The following CEPT1 variants were observed in gnomAD, a reference collection of about 807,000 sequenced individuals.
CEPT1 encodes choline/ethanolaminephosphotransferase 1.
CEPT1 carries 7 observed loss-of-function variants against 42.6 expected under a neutral mutation model. The observed-to-expected ratio is 0.16, with a 90% CI of 0.09 to 0.31. The LOEUF (loss-of-function observed/expected upper bound fraction) is 0.31, where lower values mean the gene tolerates loss of function less well. CEPT1 is among the 10% of genes least tolerant of loss of function. CEPT1 has a pLI of 1.00. For missense variants in CEPT1, 306 were observed against 502.1 expected, an observed-to-expected ratio of 0.61 and a Z score of 3.73; for synonymous variants, 171 against 171.9, an observed-to-expected ratio of 0.99 and a Z score of 0.04.
intron 2 of CEPT1, among the ~76,000 whole-genome samples, chr1:111,158,489 A>T (rs1655690909): frequency 6.6e-6 from 1 of 152,190 alleles, no homozygotes; most frequent in Non-Finnish European, 1.5e-5. Flanking sequence ...ACTGGATATC[A>T]TTTCCTAGTG....
intron 1 of CEPT1, among the ~76,000 whole-genome samples, chr1:111,145,122 TCTC>T (rs1294253332): frequency 6.6e-6 from 1 of 152,034 alleles, no homozygotes; most frequent in Non-Finnish European, 1.5e-5. Context: ...GTCAAGCAAT[TCTC>T]CTGCCTCAGC....
intron 5 of CEPT1, among the ~76,000 whole-genome samples, chr1:111,177,921 C>T (rs188542942): frequency 1.3e-5 from 2 of 152,232 alleles, no homozygotes; most frequent in South Asian, 2.1e-4. Context: ...GGGAACAACC[C>T]GACTTCTCTG....
rs1657045487 is a variant in CEPT1, at chr1:111,182,630, C to T, written c.847-169C>T. 4 of 629,418 alleles carry T rather than the reference C, an allele frequency of 6.4e-6. No individual in the cohort carries two copies. In the East Asian group the frequency reaches 1.2e-4, roughly 18 times the overall value. 39.0% of individuals were successfully genotyped at this position (629,418 alleles called of 1,614,324 possible). A position where few individuals can be genotyped will look rare whatever the true frequency, so the allele number is the denominator to read the frequency against. ...TCAGTTTGTGCCTAATGAATTTATGCTGCTACTTTTCATTAGCTCTTCTAG... is the reference window on the plus strand; with the variant it reads ...TCAGTTTGTGCCTAATGAATTTATGTTGCTACTTTTCATTAGCTCTTCTAG... On this transcript the variant is annotated intron_variant, in intron 6 of 8. Coordinates refer to ENST00000357172, the MANE Select transcript of CEPT1 (RefSeq NM_006090.5).
chr1:111,165,192 G>T (rs1435286670), intron 4 of CEPT1, among the ~76,000 whole-genome samples: 1 of 150,660 alleles, frequency 6.6e-6, no homozygotes, highest in Non-Finnish European at 1.5e-5. Context: ...GGGACTACAG[G>T]CACCCGCCAC....
chr1:111,147,705 A>G lies in CEPT1; in HGVS notation c.-10A>G, dbSNP rs1227050862. The stretch of plus-strand genomic sequence containing the variant: ...TTACTGTCTTTAAATATTAAAAAAA[A>G]ACAAGATCCATGAGTGGGCATCGAT... On this transcript the variant is annotated 5_prime_UTR_variant, in exon 2 of 9. Transcript: ENST00000357172. 9.5e-6 allele frequency: 15 copies of G among 1,572,230 alleles called. No individual in the cohort carries two copies. The highest frequency in any genetic ancestry group is 1.3e-5 in the Non-Finnish European group (15 of 1,159,292).
chr1:111,172,673 G>A (rs564361752), intron 4 of CEPT1, among the ~76,000 whole-genome samples: 31 of 152,276 alleles, frequency 2.0e-4, no homozygotes, highest in African/African-American at 7.2e-4. Context: ...GAATGACTTT[G>A]CACTGCATGC....
intron 4 of CEPT1, among the ~76,000 whole-genome samples, chr1:111,166,619 A>G (rs1286992637): frequency 6.6e-6 from 1 of 152,146 alleles, no homozygotes; most frequent in Non-Finnish European, 1.5e-5. Flanking sequence ...TTTTTTTGAG[A>G]TAGCAGAGGT....
chr1:111,147,650 C>T lies in CEPT1; in HGVS notation c.-65C>T. ...TTTATTTTATTTTTTAGGTAAGCAC[C>T]AGCCACAAAAACCTACAAAAGAAGG... On this transcript the variant is annotated 5_prime_UTR_variant, in exon 2 of 9. Coordinates refer to ENST00000357172, the MANE Select transcript of CEPT1 (RefSeq NM_006090.5). The T allele has an allele frequency of 1.7e-6, 2 of 1,165,328 alleles. No individual in the cohort carries two copies. The highest frequency in any genetic ancestry group is 2.4e-6 in the Non-Finnish European group (2 of 832,702). 72.2% of individuals were successfully genotyped at this position (1,165,328 alleles called of 1,614,324 possible).
intron 1 of CEPT1, among the ~76,000 whole-genome samples, chr1:111,146,569 C>G (rs142305673): frequency 1.3e-5 from 2 of 152,230 alleles, no homozygotes; most frequent in South Asian, 2.1e-4. Context: ...TTTTTACCAT[C>G]CTACTATAGG....
intron 2 of CEPT1, among the ~76,000 whole-genome samples, chr1:111,153,766 G>T (rs770685929): frequency 1.3e-5 from 2 of 152,024 alleles, no homozygotes; most frequent in African/African-American, 4.8e-5. Flanking sequence ...AAATCAGTTG[G>T]CTGTAAATAC....
At position 111,184,586 on chromosome 1, in the gene CEPT1, A is replaced by G; in HGVS notation, c.*276A>G. 1 of 245,142 alleles carries G rather than the reference A, an allele frequency of 4.1e-6. No homozygotes were observed. Among genetic ancestry groups the G allele is most frequent in the Non-Finnish European group, 7.9e-6 (1 of 126,490 alleles). 15.2% of individuals were successfully genotyped at this position (245,142 alleles called of 1,614,324 possible). A position where few individuals can be genotyped will look rare whatever the true frequency, so the allele number is the denominator to read the frequency against. ...ATTGTAATTATCCTGGATTCAGAAT[A>G]ATACTGTGATGGGGAGCCAGATCCG... On this transcript the variant is annotated 3_prime_UTR_variant, in exon 9 of 9. Coordinates refer to ENST00000357172, the MANE Select transcript of CEPT1 (RefSeq NM_006090.5).
chr1:111,159,660 T>C (rs1366822719), intron 3 of CEPT1, 133 bp downstream of exon 3: 9 of 618,414 alleles, frequency 1.5e-5, no homozygotes, highest in Non-Finnish European at 2.0e-5. Flanking sequence ...CAAAAGACTA[T>C]GAACCTAGTT....
intron 1 of CEPT1, among the ~76,000 whole-genome samples, chr1:111,145,174 C>T (rs1171972190): frequency 6.6e-6 from 1 of 152,164 alleles, no homozygotes; most frequent in Admixed American, 6.5e-5. Context: ...TGCCACCACG[C>T]CCATCTAATT....
At chr1:111,141,701 C>G (rs1654594609) in intron 1 of CEPT1, among the ~76,000 whole-genome samples, 1 of 152,134 alleles carries the variant, frequency 6.6e-6, no homozygotes, top group African/African-American at 2.4e-5. Flanking sequence ...TTACACAGCC[C>G]TGTTTTTGCT....
chr1:111,141,508 G>C (rs1311933339), intron 1 of CEPT1, among the ~76,000 whole-genome samples: 3 of 152,132 alleles, frequency 2.0e-5, no homozygotes, highest in Non-Finnish European at 4.4e-5. Context: ...TAAAGGTGCT[G>C]ATGTTCTTTT....
chr1:111,167,142 A>G, intron 4 of CEPT1: 1 of 985,282 alleles, frequency 1.0e-6, no homozygotes, highest in Non-Finnish European at 1.2e-6. Flanking sequence ...TAATTATAAT[A>G]TGCCAGCTTC....
chr1:111,152,763 A>G (rs1220197215), intron 2 of CEPT1, among the ~76,000 whole-genome samples: 1 of 152,076 alleles, frequency 6.6e-6, no homozygotes, highest in Non-Finnish European at 1.5e-5. Context: ...ATTTTTAAAA[A>G]CTTTTTGTAT....
chr1:111,182,331 T>A lies in CEPT1; in HGVS notation c.846+13T>A. On this transcript the variant is annotated intron_variant, in intron 6 of 8. Transcript: ENST00000357172. ...ATCAACAATAGCAGTAAGTATACCT[T>A]AAGATTTTCAACACTTGTTTACACT... 6.2e-7 allele frequency: 1 copy of A among 1,608,250 alleles called. No homozygotes were observed. Among genetic ancestry groups the A allele is most frequent in the Non-Finnish European group, 8.5e-7 (1 of 1,178,086 alleles).
At chr1:111,173,627 A>G (rs1656529219) in intron 4 of CEPT1, among the ~76,000 whole-genome samples, 1 of 152,200 alleles carries the variant, frequency 6.6e-6, no homozygotes, top group Non-Finnish European at 1.5e-5. Context: ...ATAAAAAGGT[A>G]TACAGTGAAA....
Sources: gnomAD v4.1 joint callset for allele counts (sites outside exome capture counted in the v4.1 genomes callset) on GRCh38, gnomAD v4.1.1 for gene constraint, MANE v1.5 for transcripts, NCBI Gene and HGNC (gene_info 2026-07-23, HGNC 2026-07-21) for gene names.